TTC23: variants seen among roughly 807,000 people sequenced by gnomAD.
The protein encoded by TTC23 is tetratricopeptide repeat protein 23.
TTC23 carries 58 observed loss-of-function variants against 55.1 expected under a neutral mutation model. That is an observed-to-expected ratio of 1.05 (90% CI 0.85 to 1.31). The LOEUF is 1.31. Among genes scored for constraint, TTC23 ranks in the 50% most tolerant of loss-of-function variants. TTC23 has a pLI of 0.00. For missense variants in TTC23, 516 were observed against 534.4 expected (o/e 0.97, Z 0.34); for synonymous variants, 203 against 199.9 (o/e 1.02, Z -0.13).
At chr15:99,239,981 C>A (rs1404409394) in intron 3 of TTC23, among the ~76,000 whole-genome samples, 2 of 152,206 alleles carry the variant, frequency 1.3e-5, no homozygotes, top group African/African-American at 4.8e-5. Flanking sequence ...CCCTGGTCTT[C>A]TCATAATTTG....
intron 3 of TTC23, among the ~76,000 whole-genome samples, chr15:99,238,140 T>C (rs2079479462): frequency 6.6e-6 from 1 of 151,968 alleles, no homozygotes; most frequent in South Asian, 2.1e-4. Context: ...TAATTTTTTT[T>C]TTTCTTTCAG....
At chr15:99,246,345 G>T in intron 1 of TTC23, among the ~76,000 whole-genome samples, 1 of 152,194 alleles carries the variant, frequency 6.6e-6, no homozygotes, top group East Asian at 1.9e-4. Context: ...GCTGGGCGTG[G>T]TGGCTCACGC....
Position 99,221,773 on chromosome 15 carries a change from AC to A in TTC23, c.271del (p.Val91LeufsTer10), listed in dbSNP as rs765554469. 6.2e-7 allele frequency: 1 copy of A among 1,614,174 alleles called. No homozygotes were observed. Among genetic ancestry groups the A allele is most frequent in the African/African-American group, 1.3e-5 (1 of 75,062 alleles). On this transcript the variant is annotated frameshift_variant, in exon 6 of 14. Coordinates refer to ENST00000394132, the MANE Select transcript of TTC23 (RefSeq NM_001288615.3). LOFTEE classifies it high-confidence loss of function. The stretch of plus-strand genomic sequence containing the variant: ...CTGGAGGTAGCCTTGAGCCAGATTA[AC>A]ATGTGCCTCTGCTAGTTTCCAATGT... ...DSHWKLAEAH[V>X]NLAQGYLQLK...
intron 11 of TTC23, 27 bp from the exon 12 acceptor site, chr15:99,156,324 G>T (rs1012942862): frequency 2.0e-5 from 33 of 1,611,062 alleles, no homozygotes; most frequent in Non-Finnish European, 2.8e-5. Flanking sequence ...AAGCTATCTG[G>T]TTAACAAGCT....
chr15:99,158,800 G>A (rs926400957), intron 11 of TTC23: 2 of 152,470 alleles, frequency 1.3e-5, no homozygotes, highest in African/African-American at 4.8e-5. Flanking sequence ...CCCATTCTTG[G>A]CTCCGGGACT....
intron 8 of TTC23, among the ~76,000 whole-genome samples, chr15:99,203,996 G>T (rs1285580986): frequency 2.6e-5 from 4 of 151,946 alleles, no homozygotes; most frequent in Admixed American, 2.0e-4. Flanking sequence ...TTTCCTTTTT[G>T]GGGGGTATAT....
At chr15:99,194,055 T>C (rs2075481660) in intron 9 of TTC23, among the ~76,000 whole-genome samples, 1 of 152,086 alleles carries the variant, frequency 6.6e-6, no homozygotes, top group African/African-American at 2.4e-5. Context: ...ACTAAAGTTT[T>C]GAACTTTAGG....
chr15:99,179,085 A>AG (rs1323127286), intron 9 of TTC23, among the ~76,000 whole-genome samples: 2 of 152,212 alleles, frequency 1.3e-5, no homozygotes, highest in Non-Finnish European at 2.9e-5. Context: ...GGCACAGAGC[A>AG]GGGCTGAGAA....
At chr15:99,158,491 G>A (rs2070919929) in intron 11 of TTC23, 1 of 152,288 alleles carries the variant, frequency 6.6e-6, no homozygotes, top group Admixed American at 6.5e-5. Flanking sequence ...TTAAGAGAGA[G>A]GAGTGAAGAG....
At chr15:99,243,330 T>A (rs2079967593) in intron 2 of TTC23, among the ~76,000 whole-genome samples, 2 of 152,166 alleles carry the variant, frequency 1.3e-5, no homozygotes. Context: ...ATGGCTTTTA[T>A]TAAAAAGGCA....
intron 10 of TTC23, among the ~76,000 whole-genome samples, chr15:99,166,859 A>G (rs12594960): frequency 0.53 from 81,120 of 152,028 alleles, 21,998 homozygotes; most frequent in East Asian, 0.7. Flanking sequence ...GGACCCCTGT[A>G]TATTAGAATG....
chr15:99,147,282 G>A (rs2069029497), intron 12 of TTC23, among the ~76,000 whole-genome samples: 1 of 141,540 alleles, frequency 7.1e-6, no homozygotes, highest in Non-Finnish European at 1.5e-5. Context: ...CTGGAGTGCA[G>A]CGGCGCGATC....
At chr15:99,211,629 T>C (rs956760829) in intron 8 of TTC23, among the ~76,000 whole-genome samples, 4 of 129,680 alleles carry the variant, frequency 3.1e-5, no homozygotes, top group South Asian at 5.1e-4. Flanking sequence ...ATGATAATTA[T>C]ATTGCCCTTT....
intron 12 of TTC23, among the ~76,000 whole-genome samples, chr15:99,147,293 T>A (rs2069033983): frequency 7.5e-6 from 1 of 132,908 alleles, no homozygotes; most frequent in Non-Finnish European, 1.6e-5. Flanking sequence ...CGGCGCGATC[T>A]CAGCTCACTG....
At chr15:99,242,544 T>C (rs925054462) in intron 2 of TTC23, among the ~76,000 whole-genome samples, 1 of 151,924 alleles carries the variant, frequency 6.6e-6, no homozygotes, top group South Asian at 2.1e-4. Flanking sequence ...CACAAGAAAA[T>C]AACAAATGAA....
chr15:99,231,215 T>C (rs1038595772), intron 4 of TTC23, among the ~76,000 whole-genome samples: 2 of 152,250 alleles, frequency 1.3e-5, no homozygotes, highest in Non-Finnish European at 2.9e-5. Context: ...TAAATGACTG[T>C]TACTGGTTTA....
At chr15:99,172,565 G>T (rs2073087373) in intron 10 of TTC23, among the ~76,000 whole-genome samples, 1 of 152,226 alleles carries the variant, frequency 6.6e-6, no homozygotes, top group South Asian at 2.1e-4. Context: ...GTGGTTGGCT[G>T]CCTGGGTTCA....
At chr15:99,225,898 C>A (rs373597406) in intron 5 of TTC23, among the ~76,000 whole-genome samples, 1 of 152,180 alleles carries the variant, frequency 6.6e-6, no homozygotes, top group African/African-American at 2.4e-5. Context: ...CATCACTGTA[C>A]GAAGACAAAC....
chr15:99,202,388 G>T (rs371326965), intron 8 of TTC23, among the ~76,000 whole-genome samples: 30 of 152,268 alleles, frequency 2.0e-4, no homozygotes, highest in African/African-American at 7.0e-4. Flanking sequence ...AAAAGTCACA[G>T]AAGAGAAATG....
Sources: gnomAD v4.1 joint callset for allele counts (sites outside exome capture counted in the v4.1 genomes callset) on GRCh38, gnomAD v4.1.1 for gene constraint, MANE v1.5 for transcripts, NCBI Gene and HGNC (gene_info 2026-07-23, HGNC 2026-07-21) for gene names.